The following PRKCA variants were observed in gnomAD, a reference collection of about 807,000 sequenced individuals.
The protein encoded by PRKCA is protein kinase C alpha type.
Under a neutral mutation model 87.0 loss-of-function variants are expected in PRKCA, and 27 were observed. That is an observed-to-expected ratio of 0.31 (90% confidence interval 0.23 to 0.43). The LOEUF (loss-of-function observed/expected upper bound fraction) is 0.43. Ranked by LOEUF, PRKCA falls within the 20% of genes least tolerant of loss-of-function variation. PRKCA has a pLI of 1.00. For synonymous variants in PRKCA, 329 were observed against 311.1 expected, an observed-to-expected ratio of 1.06 and a Z score of -0.61; for missense variants, 518 against 852.3, an observed-to-expected ratio of 0.61 and a Z score of 4.88.
At chr17:66,645,616 T>G (rs1971430996) in intron 5 of PRKCA, 105 bp downstream of exon 5, 2 of 1,499,556 alleles carry the variant, frequency 1.3e-6, no homozygotes, top group Non-Finnish European at 1.8e-6. Context: ...CTGAGGCCTC[T>G]GGAGAGGCAG....
chr17:66,647,139 C>T (rs994598358), intron 5 of PRKCA, among the ~76,000 whole-genome samples: 14 of 86,698 alleles, frequency 1.6e-4, no homozygotes, highest in Non-Finnish European at 3.1e-4. Flanking sequence ...CCCTCTGCAA[C>T]ATCACAGCTT....
At chr17:66,617,464 T>G (rs755550448) in intron 3 of PRKCA, among the ~76,000 whole-genome samples, 14 of 152,202 alleles carry the variant, frequency 9.2e-5, no homozygotes, top group Non-Finnish European at 1.9e-4. Flanking sequence ...CAGAGCAAAT[T>G]TGATGATGAA....
At chr17:66,553,773 C>T (rs948745461) in intron 3 of PRKCA, among the ~76,000 whole-genome samples, 1 of 152,140 alleles carries the variant, frequency 6.6e-6, no homozygotes, top group African/African-American at 2.4e-5. Context: ...TTTCAGGTAC[C>T]GTGCCAGGGC....
chr17:66,716,666 CAG>C (rs780628501), intron 8 of PRKCA, among the ~76,000 whole-genome samples: 20 of 151,958 alleles, frequency 1.3e-4, no homozygotes, highest in South Asian at 4.2e-4. Context: ...ATCTGGGAAA[CAG>C]GGAAAAATTT....
rs566006888 is a variant in PRKCA, at chr17:66,384,940, A to G, written c.205+78813A>G. ...CCACTGCACCTGGCTGACTGTTTTA[A>G]TTACTAGTATGTGTCCGTAAATGCC... On this transcript the variant is annotated intron_variant, in intron 2 of 16. Coordinates refer to ENST00000413366, the MANE Select transcript of PRKCA (RefSeq NM_002737.3). 5.9e-5 allele frequency among the ~76,000 whole-genome samples: 9 copies of G among 152,240 alleles called. 1 individual carries two copies. The highest frequency in any genetic ancestry group is 1.2e-4 in the Non-Finnish European group (8 of 68,014).
At chr17:66,718,017 CAGAA>C (rs1306808459) in intron 8 of PRKCA, among the ~76,000 whole-genome samples, 4 of 152,190 alleles carry the variant, frequency 2.6e-5, no homozygotes, top group Non-Finnish European at 5.9e-5. Context: ...AAAATGCCGT[CAGAA>C]GGAAGTGGGG....
At chr17:66,441,279 G>A (rs1434087870) in intron 2 of PRKCA, among the ~76,000 whole-genome samples, 1 of 151,620 alleles carries the variant, frequency 6.6e-6, no homozygotes, top group Non-Finnish European at 1.5e-5. Flanking sequence ...AGGAGTTCGA[G>A]ATTGCAGTGA....
intron 8 of PRKCA, among the ~76,000 whole-genome samples, chr17:66,719,623 C>T (rs1317595784): frequency 6.6e-6 from 1 of 152,136 alleles, no homozygotes; most frequent in Non-Finnish European, 1.5e-5. Flanking sequence ...AAAAATTAGC[C>T]AGGCATGGTG....
At chr17:66,337,271 T>C (rs938781221) in intron 2 of PRKCA, among the ~76,000 whole-genome samples, 5 of 152,126 alleles carry the variant, frequency 3.3e-5, no homozygotes, top group African/African-American at 9.7e-5. Context: ...ATAGATATCG[T>C]TGGTGATCCG....
At position 66,803,028 on chromosome 17, in the gene PRKCA, C is replaced by A. The variant is rs1462233365; in HGVS notation, c.1855-845C>A. Among the ~76,000 whole-genome samples, 2 of 152,212 alleles carry A rather than the reference C, an allele frequency of 1.3e-5. No individual in the cohort carries two copies. The highest frequency in any genetic ancestry group is 2.9e-5 in the Non-Finnish European group (2 of 68,046). On this transcript the variant is annotated intron_variant, in intron 16 of 16. Coordinates refer to ENST00000413366, the MANE Select transcript of PRKCA (RefSeq NM_002737.3). The surrounding 1 kb of genome is among the most constrained non-coding windows in gnomAD (Gnocchi z 4.4). Reference sequence around the variant, plus strand: ...TGGGTGGCTGACAAGGTGAAGAGAACACTCCTTCCCCACTTTTGGGGTCAG... The same window carrying A: ...TGGGTGGCTGACAAGGTGAAGAGAAAACTCCTTCCCCACTTTTGGGGTCAG...
chr17:66,648,923 T>A (rs1312322250), intron 5 of PRKCA, among the ~76,000 whole-genome samples: 2 of 151,810 alleles, frequency 1.3e-5, no homozygotes, highest in Non-Finnish European at 2.9e-5. Flanking sequence ...TAAAACCCCA[T>A]CTCTACTAAA....
Position 66,648,523 on chromosome 17 carries a change from C to T in PRKCA, c.529+3012C>T, listed in dbSNP as rs575965051. Among the ~76,000 whole-genome samples, 129 of 152,108 alleles carry T rather than the reference C, an allele frequency of 8.5e-4. 2 individuals are homozygous for T. Among genetic ancestry groups the T allele is most frequent in the Admixed American group, 4.4e-3 (67 of 15,288 alleles). On this transcript the variant is annotated intron_variant, in intron 5 of 16. Transcript: ENST00000413366. ...TGGCTAAATATTTAAATGGCACATG[C>T]GGAGAGAAGATATTTTGATGACAGT...
chr17:66,511,895 G>A (rs1281793592), intron 3 of PRKCA, among the ~76,000 whole-genome samples: 3 of 151,812 alleles, frequency 2.0e-5, no homozygotes, highest in Non-Finnish European at 4.4e-5. Flanking sequence ...TGGCCAGGGT[G>A]GTCTTGAACT....
chr17:66,625,540 T>C (rs904261238), intron 3 of PRKCA, among the ~76,000 whole-genome samples: 1 of 152,226 alleles, frequency 6.6e-6, no homozygotes, highest in Non-Finnish European at 1.5e-5. Flanking sequence ...ATAATGAAGA[T>C]AGAAGATAGC....
intron 2 of PRKCA, among the ~76,000 whole-genome samples, chr17:66,408,170 C>T (rs1043963610): frequency 5.3e-5 from 8 of 152,206 alleles, no homozygotes; most frequent in African/African-American, 1.7e-4. Flanking sequence ...AATAGGTTGT[C>T]CAAGGCAACT....
chr17:66,662,719 C>T (rs551452676), intron 5 of PRKCA, among the ~76,000 whole-genome samples: 1 of 151,318 alleles, frequency 6.6e-6, no homozygotes, highest in Non-Finnish European at 1.5e-5. Context: ...ATCTCGTAGG[C>T]CTGGCATCAT....
intron 8 of PRKCA, among the ~76,000 whole-genome samples, chr17:66,694,767 TAAAAAAAAAAAA>T (rs746908582): frequency 8.5e-6 from 1 of 117,520 alleles, no homozygotes; most frequent in Non-Finnish European, 1.7e-5. Flanking sequence ...TTCCAATGGT[TAAAAAAAAAAAA>T]AAAAAAAAAA....
chr17:66,429,260 C>T (rs924257132), intron 2 of PRKCA, among the ~76,000 whole-genome samples: 3 of 152,008 alleles, frequency 2.0e-5, no homozygotes, highest in Non-Finnish European at 4.4e-5. Flanking sequence ...AGTCAAGCTC[C>T]GCATAGTAGA....
chr17:66,338,257 C>T (rs148508156), intron 2 of PRKCA, among the ~76,000 whole-genome samples: 211 of 152,182 alleles, frequency 1.4e-3, no homozygotes, highest in African/African-American at 4.9e-3. Context: ...TTTCTTTGGT[C>T]ACTGACCAAG....
Sources: gnomAD v4.1 joint callset for allele counts (sites outside exome capture counted in the v4.1 genomes callset) on GRCh38, gnomAD v4.1.1 for gene constraint, Gnocchi (gnomAD v3.1) non-coding constraint, MANE v1.5 for transcripts, NCBI Gene and HGNC (gene_info 2026-07-23, HGNC 2026-07-21) for gene names.